The following SYN2 variants were observed in gnomAD, a reference collection of about 807,000 sequenced individuals.
The protein encoded by SYN2 is synapsin-2.
A neutral mutation model predicts 50.9 loss-of-function variants in SYN2; 19 were observed. The ratio of observed to expected loss-of-function variants is 0.37; its 90% CI spans 0.26 to 0.55. The LOEUF (loss-of-function observed/expected upper bound fraction) is 0.55. SYN2 is among the 20% of genes least tolerant of loss of function. The probability of loss-of-function intolerance (pLI) is 0.81; values close to 1 mark genes in which losing one functional copy is unlikely to be tolerated. For missense variants in SYN2, 587 were observed against 576.4 expected (o/e 1.02, Z -0.19); for synonymous variants, 255 against 224.9 (o/e 1.13, Z -1.20).
At chr3:12,153,413 T>A in intron 5 of SYN2, 1 of 1,351,916 alleles carries the variant, frequency 7.4e-7, no homozygotes, top group Non-Finnish European at 1.1e-6. Context: ...TCTTATTAGC[T>A]GGCAGCAAGA....
At chr3:12,184,602 A>G (rs1698301279) in intron 11 of SYN2, 2 of 985,778 alleles carry the variant, frequency 2.0e-6, no homozygotes, top group South Asian at 9.4e-5. Context: ...GGGTCCAAAG[A>G]TTGAGGAGCT....
intron 1 of SYN2, among the ~76,000 whole-genome samples, chr3:12,056,482 GAA>G (rs987663789): frequency 6.6e-6 from 1 of 151,586 alleles, no homozygotes; most frequent in East Asian, 1.9e-4. Flanking sequence ...AAAGTTTAAA[GAA>G]AAAAATGTTT....
intron 1 of SYN2, among the ~76,000 whole-genome samples, chr3:12,134,610 T>C (rs553001436): frequency 6.6e-6 from 1 of 152,378 alleles, no homozygotes; most frequent in South Asian, 2.1e-4. Context: ...TGGGTTCCCA[T>C]AATGCTGTGC....
chr3:12,033,940 C>G (rs1322766664), intron 1 of SYN2, among the ~76,000 whole-genome samples: 1 of 152,072 alleles, frequency 6.6e-6, no homozygotes, highest in African/African-American at 2.4e-5. Context: ...AGTTGATGGA[C>G]ATTTGGGTTG....
chr3:12,161,029 T>C (rs1485976443), intron 5 of SYN2, among the ~76,000 whole-genome samples: 2 of 152,170 alleles, frequency 1.3e-5, no homozygotes, highest in Non-Finnish European at 2.9e-5. Context: ...GGGGTATTGG[T>C]GAGCAGTGAA....
intron 1 of SYN2, among the ~76,000 whole-genome samples, chr3:12,076,633 CTAAG>C (rs771955089): frequency 1.2e-4 from 18 of 151,900 alleles, no homozygotes; most frequent in South Asian, 4.2e-4. Flanking sequence ...AGACACTATG[CTAAG>C]TGTTTTACCC....
intron 1 of SYN2, among the ~76,000 whole-genome samples, chr3:12,027,132 C>A (rs1488237221): frequency 6.6e-6 from 1 of 152,158 alleles, no homozygotes; most frequent in Admixed American, 6.5e-5. Flanking sequence ...GTGAATGTGG[C>A]AAGATTGTAA....
intron 3 of SYN2, among the ~76,000 whole-genome samples, chr3:12,145,098 C>T (rs2125219278): frequency 6.6e-6 from 1 of 152,016 alleles, no homozygotes; most frequent in South Asian, 2.1e-4. Flanking sequence ...ATTTCCCAGT[C>T]CAGAAAGGAA....
intron 10 of SYN2, among the ~76,000 whole-genome samples, chr3:12,174,191 C>CT (rs1370741904): frequency 6.6e-6 from 1 of 152,124 alleles, no homozygotes; most frequent in African/African-American, 2.4e-5. Flanking sequence ...CAGCCTGTAT[C>CT]TATCTCCTGC....
chr3:12,111,719 G>C (rs1409930723), intron 1 of SYN2, among the ~76,000 whole-genome samples: 1 of 152,204 alleles, frequency 6.6e-6, no homozygotes, highest in Non-Finnish European at 1.5e-5. Context: ...TTACCGAGTG[G>C]TTCTGGTTAG....
At chr3:12,025,072 G>A (rs1460605889) in intron 1 of SYN2, among the ~76,000 whole-genome samples, 1 of 152,180 alleles carries the variant, frequency 6.6e-6, no homozygotes, top group African/African-American at 2.4e-5. Context: ...CCCTCTTTCT[G>A]GCTTGTAGAC....
At chr3:12,157,719 C>T (rs371580859) in intron 5 of SYN2, among the ~76,000 whole-genome samples, 1 of 152,160 alleles carries the variant, frequency 6.6e-6, no homozygotes, top group Non-Finnish European at 1.5e-5. Context: ...CTGTTTCTGC[C>T]TTTTGAACCA....
At chr3:12,153,803 A>G in intron 5 of SYN2, 1 of 1,360,180 alleles carries the variant, frequency 7.4e-7, no homozygotes, top group Non-Finnish European at 1.0e-6. Flanking sequence ...TTTCCAGCCC[A>G]TCTCAAATGC....
intron 1 of SYN2, among the ~76,000 whole-genome samples, chr3:12,135,565 A>C (rs1696879572): frequency 6.6e-6 from 1 of 152,226 alleles, no homozygotes; most frequent in Admixed American, 6.5e-5. Context: ...TTTGATCCTT[A>C]TGCAAATTCC....
intron 12 of SYN2, among the ~76,000 whole-genome samples, chr3:12,188,635 A>T (rs763321328): frequency 1.3e-5 from 2 of 151,910 alleles, no homozygotes; most frequent in African/African-American, 2.4e-5. Context: ...CTCAAAGCCG[A>T]GCTACTCCTC....
At chr3:12,070,935 C>T in intron 1 of SYN2, 1 of 554,362 alleles carries the variant, frequency 1.8e-6, no homozygotes, top group South Asian at 1.5e-5. Flanking sequence ...CCGCATCCTC[C>T]TCCTCTCTGG....
At chr3:12,189,541 G>A (rs1698408024) in intron 12 of SYN2, among the ~76,000 whole-genome samples, 1 of 152,092 alleles carries the variant, frequency 6.6e-6, no homozygotes, top group Non-Finnish European at 1.5e-5. Flanking sequence ...GGGTGCGGTG[G>A]CTCACGCCTC....
intron 1 of SYN2, among the ~76,000 whole-genome samples, chr3:12,118,315 G>A (rs868202853): frequency 5.9e-5 from 9 of 152,186 alleles, no homozygotes; most frequent in African/African-American, 2.2e-4. Flanking sequence ...TATAATCCCA[G>A]CACTTCAAGA....
chr3:12,191,255 G>A lies in SYN2; in HGVS notation c.*630G>A. 1.1e-6 allele frequency: 1 copy of A among 893,926 alleles called. No individual in the cohort carries two copies. Among genetic ancestry groups the A allele is most frequent in the Non-Finnish European group, 1.3e-6 (1 of 746,812 alleles). The allele number at this position is 893,926 out of a possible 1,614,324, so 55.4% of individuals were successfully genotyped here. On this transcript the variant is annotated 3_prime_UTR_variant, in exon 13 of 13. Transcript: ENST00000621198. ...CCCCTTTTCTCCCCTCTGAAGAGTG[G>A]TTCTTATGTGCAATCTGCAGTAACC...
Sources: allele counts gnomAD v4.1 joint callset (sites outside exome capture counted in the v4.1 genomes callset), GRCh38; gene constraint gnomAD v4.1.1; transcripts MANE v1.5; gene names NCBI Gene and HGNC (gene_info 2026-07-23, HGNC 2026-07-21).